Variants in DLG2 observed in about 807,000 individuals in gnomAD.
DLG2 encodes discs large MAGUK scaffold protein 2, also known as disks large homolog 2.
Under a neutral mutation model 132.5 loss-of-function variants are expected in DLG2, and 45 were observed. The observed-to-expected ratio is 0.34, with a 90% CI of 0.27 to 0.44. The LOEUF is 0.44. DLG2 is among the 20% of genes least tolerant of loss of function. The pLI, the probability that DLG2 is intolerant of heterozygous loss-of-function variation, is 1.00. For synonymous variants in DLG2, 424 were observed against 419.6 expected (o/e 1.01, Z -0.13); for missense variants, 1,045 against 1,196.9 (o/e 0.87, Z 1.87).
At chr11:84,873,309 C>CA in intron 6 of DLG2, among the ~76,000 whole-genome samples, 1 of 152,282 alleles carries the variant, frequency 6.6e-6, no homozygotes, top group East Asian at 1.9e-4. Flanking sequence ...GAAATGCAGG[C>CA]AGCCTCTAGA....
chr11:85,230,112 A>G (rs1438930616), intron 4 of DLG2, among the ~76,000 whole-genome samples: 1 of 152,092 alleles, frequency 6.6e-6, no homozygotes, highest in Non-Finnish European at 1.5e-5. Context: ...CATGTATCCC[A>G]GAACTTAAAG....
chr11:84,480,390 C>T (rs374516387), intron 7 of DLG2, among the ~76,000 whole-genome samples: 44 of 152,030 alleles, frequency 2.9e-4, no homozygotes, highest in East Asian at 9.7e-4. Context: ...GTTGCATCAG[C>T]GAAACAGGCA....
intron 18 of DLG2, among the ~76,000 whole-genome samples, chr11:83,758,582 T>C (rs1566849874): frequency 6.6e-6 from 1 of 152,184 alleles, no homozygotes; most frequent in Non-Finnish European, 1.5e-5. Flanking sequence ...AGTAGATTAC[T>C]TAGTTTTGCC....
At chr11:83,828,860 GTA>G (rs10584888) in intron 17 of DLG2, among the ~76,000 whole-genome samples, 4,341 of 151,322 alleles carry the variant, frequency 0.029, 225 homozygotes, top group African/African-American at 0.1. Flanking sequence ...CAGTGTGTGT[GTA>G]TATATATATA....
At chr11:84,492,222 T>C (rs1254061811) in intron 7 of DLG2, among the ~76,000 whole-genome samples, 2 of 152,270 alleles carry the variant, frequency 1.3e-5, no homozygotes, top group Non-Finnish European at 2.9e-5. Flanking sequence ...ATAGAATCTA[T>C]GTTCTGAAGA....
intron 7 of DLG2, among the ~76,000 whole-genome samples, chr11:84,445,709 G>A (rs1163256241): frequency 6.6e-6 from 1 of 151,772 alleles, no homozygotes; most frequent in East Asian, 1.9e-4. Context: ...TAGCTCAGGA[G>A]ATCGAGACCA....
chr11:83,491,181 C>G (rs976374598), intron 21 of DLG2, among the ~76,000 whole-genome samples: 1 of 147,804 alleles, frequency 6.8e-6, no homozygotes, highest in African/African-American at 2.5e-5. Context: ...AAATCTAACA[C>G]CAGGAATAAA....
chr11:84,102,049 A>C (rs1293677483), intron 9 of DLG2, among the ~76,000 whole-genome samples: 1 of 152,144 alleles, frequency 6.6e-6, no homozygotes, highest in Non-Finnish European at 1.5e-5. Flanking sequence ...TGTTTTCTCT[A>C]CCAGAAACTT....
intron 19 of DLG2, among the ~76,000 whole-genome samples, chr11:83,583,675 G>A (rs1023827913): frequency 5.3e-5 from 8 of 152,190 alleles, no homozygotes; most frequent in Admixed American, 1.3e-4. Context: ...ACAAGCCTCA[G>A]TTCTTCTTCT....
At chr11:85,562,944 T>C (rs1365532797) in intron 3 of DLG2, among the ~76,000 whole-genome samples, 1 of 151,838 alleles carries the variant, frequency 6.6e-6, no homozygotes, top group Non-Finnish European at 1.5e-5. Context: ...CTCCAGTTCT[T>C]CCAGTGTATA....
chr11:84,059,480 T>C lies in DLG2; in HGVS notation c.754A>G (p.Asn252Asp). Residue 252 changes from asparagine (N) to aspartate (D), a missense_variant, in exon 11 of 28, where the codon AAT becomes GAT. By Grantham distance (23) the Asn-to-Asp change is conservative. Coordinates refer to ENST00000376104, the MANE Select transcript of DLG2 (RefSeq NM_001142699.3). ...TCATTCACCCGCAAGATACAATCATTGACCCTGCAAGGAAGGAAAAGAGTC... is the reference window on the plus strand; with the variant it reads ...TCATTCACCCGCAAGATACAATCATCGACCCTGCAAGGAAGGAAAAGAGTC... ...AAAEDGRLRV[N>D]DCILRVNEVD... The C allele has an allele frequency of 6.3e-7, 1 of 1,591,380 alleles. No homozygotes were observed. Among genetic ancestry groups the C allele is most frequent in the Non-Finnish European group, 8.6e-7 (1 of 1,169,204 alleles).
chr11:83,659,084 C>T (rs1291023153), intron 18 of DLG2, among the ~76,000 whole-genome samples: 6 of 152,130 alleles, frequency 3.9e-5, no homozygotes, highest in Admixed American at 2.0e-4. Context: ...CAGTGCCTGT[C>T]GTAGTTTCTG....
intron 19 of DLG2, among the ~76,000 whole-genome samples, chr11:83,586,430 G>A (rs2097088241): frequency 6.6e-6 from 1 of 152,176 alleles, no homozygotes; most frequent in East Asian, 1.9e-4. Flanking sequence ...GCTTCTCTGT[G>A]CCTCAGCTTT....
At chr11:83,618,072 T>G (rs1360606943) in intron 19 of DLG2, among the ~76,000 whole-genome samples, 1 of 152,194 alleles carries the variant, frequency 6.6e-6, no homozygotes, top group East Asian at 1.9e-4. Context: ...GAACTTTTGT[T>G]CACAGATGAG....
chr11:84,163,790 T>C (rs551980245), intron 8 of DLG2, among the ~76,000 whole-genome samples: 1 of 152,302 alleles, frequency 6.6e-6, no homozygotes, highest in East Asian at 1.9e-4. Flanking sequence ...AAAATACATA[T>C]TGTGAGCTTA....
intron 7 of DLG2, among the ~76,000 whole-genome samples, chr11:84,276,369 T>G (rs950743018): frequency 6.6e-6 from 1 of 152,212 alleles, no homozygotes; most frequent in Non-Finnish European, 1.5e-5. Context: ...AACTTCCTAC[T>G]TTCTAAGTTC....
chr11:84,093,008 C>T (rs2097115436), intron 10 of DLG2, among the ~76,000 whole-genome samples: 2 of 150,292 alleles, frequency 1.3e-5, no homozygotes, highest in Non-Finnish European at 3.0e-5. Flanking sequence ...TGCACTCCAG[C>T]CTGGGCGACA....
In DLG2 at chr11:83,884,711, T is replaced by C. The variant is rs566811801; in HGVS notation, c.1497-10223A>G. Among the ~76,000 whole-genome samples the C allele has an allele frequency of 3.3e-5, 5 of 152,304 alleles. No homozygotes were observed. In the East Asian group the frequency reaches 9.7e-4, roughly 29 times the overall value. Reference sequence around the variant, plus strand: ...AAGGCACCCCCCAGTAGGGGCAGACTGACACCTCACACAGCCAGATACTCC... The same window carrying C: ...AAGGCACCCCCCAGTAGGGGCAGACCGACACCTCACACAGCCAGATACTCC... On this transcript the variant is annotated intron_variant, in intron 15 of 27. Transcript: ENST00000376104.
chr11:83,653,070 A>T (rs1408947031), intron 18 of DLG2, among the ~76,000 whole-genome samples: 3 of 152,224 alleles, frequency 2.0e-5, no homozygotes, highest in African/African-American at 7.2e-5. Context: ...CAATCTAATA[A>T]CTTCCCAATG....
Sources: allele counts gnomAD v4.1 joint callset (sites outside exome capture counted in the v4.1 genomes callset), GRCh38; gene constraint gnomAD v4.1.1; transcripts MANE v1.5; gene names NCBI Gene and HGNC (gene_info 2026-07-23, HGNC 2026-07-21).